ZNF638: variants seen among roughly 807,000 people sequenced by gnomAD.
ZNF638 encodes zinc finger protein 638.
ZNF638 carries 46 observed loss-of-function variants against 195.6 expected under a neutral mutation model. That is an observed-to-expected ratio of 0.24 (90% CI 0.19 to 0.30). ZNF638 has a LOEUF of 0.30. ZNF638 is among the 10% of genes least tolerant of loss of function. The probability of loss-of-function intolerance (pLI) is 1.00; values close to 1 mark genes in which losing one functional copy is unlikely to be tolerated. For synonymous variants in ZNF638, 845 were observed against 772.0 expected (o/e 1.09, Z -1.57); for missense variants, 2,440 against 2,325.3 (o/e 1.05, Z -1.01).
chr2:71,339,142 C>T (rs898036823), intron 1 of ZNF638, among the ~76,000 whole-genome samples: 5 of 131,328 alleles, frequency 3.8e-5, no homozygotes, highest in African/African-American at 1.4e-4. Context: ...TGCATTTAGT[C>T]GGTTTAGGTT....
chr2:71,334,231 A>T (rs1424830882), intron 1 of ZNF638, among the ~76,000 whole-genome samples: 2 of 152,124 alleles, frequency 1.3e-5, no homozygotes, highest in Non-Finnish European at 2.9e-5. Context: ...TGCTCTTTCC[A>T]CTGTACCTTA....
intron 1 of ZNF638, among the ~76,000 whole-genome samples, chr2:71,333,807 T>C (rs2104051707): frequency 6.6e-6 from 1 of 152,328 alleles, no homozygotes; most frequent in Middle Eastern, 3.4e-3. Flanking sequence ...CTTGGGATTT[T>C]TGTGAGTGAC....
intron 13 of ZNF638, 56 bp downstream of exon 13, chr2:71,399,701 T>C (rs941554447): frequency 2.7e-6 from 4 of 1,465,454 alleles, no homozygotes; most frequent in Non-Finnish European, 3.8e-6. Flanking sequence ...TTTTTAACTT[T>C]TTAAGTTCAG....
intron 10 of ZNF638, among the ~76,000 whole-genome samples, chr2:71,394,408 C>T (rs1486690592): frequency 6.6e-6 from 1 of 152,158 alleles, no homozygotes; most frequent in East Asian, 1.9e-4. Context: ...CATAATCACA[C>T]AGATCAGTGC....
At chr2:71,402,182 C>T in intron 16 of ZNF638, 95 bp downstream of exon 16, 1 of 1,319,600 alleles carries the variant, frequency 7.6e-7, no homozygotes, top group Non-Finnish European at 1.0e-6. Flanking sequence ...GGTTTAAAAG[C>T]AGTATCTCAA....
At chr2:71,379,218 T>C (rs562236210) in intron 8 of ZNF638, among the ~76,000 whole-genome samples, 1 of 152,348 alleles carries the variant, frequency 6.6e-6, no homozygotes, top group South Asian at 2.1e-4. Context: ...AACCATGTTT[T>C]TGAAAGTTAC....
intron 20 of ZNF638, among the ~76,000 whole-genome samples, chr2:71,410,270 T>G (rs1357934442): frequency 6.6e-6 from 1 of 152,212 alleles, no homozygotes; most frequent in Non-Finnish European, 1.5e-5. Context: ...GATTTAAACC[T>G]TAACTCCTGG....
intron 25 of ZNF638, among the ~76,000 whole-genome samples, chr2:71,429,601 C>G (rs1373682123): frequency 6.6e-6 from 1 of 152,142 alleles, no homozygotes; most frequent in African/African-American, 2.4e-5. Flanking sequence ...ATCTCTCTAG[C>G]TCCTATCTTT....
In ZNF638 at chr2:71,431,351, A is replaced by T; in HGVS notation, c.5675A>T (p.Asp1892Val). The change falls in exon 26 of 28, where the codon GAT (aspartate) becomes GTT (valine). Residue 1892 changes from aspartate (D) to valine (V), a missense_variant. Asp to Val is a radical substitution (Grantham distance 152, BLOSUM62 -3). Transcript: ENST00000264447. ...SEVDEESGLKDSEPERKRKKT... is the reference protein window; with the variant it reads ...SEVDEESGLKVSEPERKRKKT... ...GTTGATGAGGAATCTGGATTAAAGG[A>T]TTCAGAACCAGAGCGAAAACGCAAG... 6.2e-7 allele frequency: 1 copy of T among 1,613,908 alleles called. No individual in the cohort carries two copies.
At chr2:71,360,066 A>G (rs933289006) in intron 3 of ZNF638, among the ~76,000 whole-genome samples, 2 of 152,172 alleles carry the variant, frequency 1.3e-5, no homozygotes, top group African/African-American at 4.8e-5. Context: ...CACAGAGACA[A>G]TTTCCCTACC....
At chr2:71,368,132 C>T (rs1012041071) in intron 6 of ZNF638, among the ~76,000 whole-genome samples, 10 of 152,004 alleles carry the variant, frequency 6.6e-5, no homozygotes, top group African/African-American at 2.4e-4. Flanking sequence ...ACCTGTAAAC[C>T]ATTTCTGGGT....
chr2:71,426,696 T>C lies in ZNF638; in HGVS notation c.4827T>C (p.Asp1609=). The C allele has an allele frequency of 6.2e-7, 1 of 1,614,202 alleles. No individual in the cohort carries two copies. Among genetic ancestry groups the C allele is most frequent in the Non-Finnish European group, 8.5e-7 (1 of 1,180,028 alleles). The change falls in exon 24 of 28, where the codon GAT becomes GAC. Residue 1609 remains aspartate, a synonymous_variant. Coordinates refer to ENST00000264447, the MANE Select transcript of ZNF638 (RefSeq NM_014497.5). ...TGGATGAGATTGGGGAAGAGGAAGA[T>C]GCAGCTGCACATCTAGCACAAGCTC... The part of the protein sequence containing the change: ...VTLDEIGEEE[D]AAAHLAQALV...
At chr2:71,379,931 A>G (rs1345790878) in intron 8 of ZNF638, 1 of 182,626 alleles carries the variant, frequency 5.5e-6, no homozygotes, top group Non-Finnish European at 1.1e-5. Flanking sequence ...TATACAGGAA[A>G]AAAAACATAG....
chr2:71,398,287 T>C (rs1048498406), intron 11 of ZNF638, among the ~76,000 whole-genome samples: 1 of 152,188 alleles, frequency 6.6e-6, no homozygotes. Context: ...ATGTTTCATA[T>C]ACACCTTATA....
chr2:71,386,403 G>A (rs1016448522), intron 10 of ZNF638, among the ~76,000 whole-genome samples: 1 of 150,794 alleles, frequency 6.6e-6, no homozygotes, highest in Non-Finnish European at 1.5e-5. Context: ...TATGTTAAAA[G>A]CCAGCATATG....
At chr2:71,333,369 A>T (rs2078607160) in intron 1 of ZNF638, among the ~76,000 whole-genome samples, 1 of 152,230 alleles carries the variant, frequency 6.6e-6, no homozygotes, top group African/African-American at 2.4e-5. Flanking sequence ...GTTGGAAGAA[A>T]TCACAAAATC....
At chr2:71,419,393 C>T (rs2080374744) in intron 21 of ZNF638, among the ~76,000 whole-genome samples, 2 of 152,118 alleles carry the variant, frequency 1.3e-5, no homozygotes, top group Admixed American at 1.3e-4. Context: ...TTTGAAACAG[C>T]AGTTTGAAAG....
At chr2:71,394,672 C>T (rs1002661841) in intron 10 of ZNF638, among the ~76,000 whole-genome samples, 1 of 152,144 alleles carries the variant, frequency 6.6e-6, no homozygotes, top group Non-Finnish European at 1.5e-5. Flanking sequence ...CATGCCCTGT[C>T]CCAGGTCAGA....
chr2:71,372,058 CT>C (rs2079323764), intron 8 of ZNF638, among the ~76,000 whole-genome samples: 1 of 152,108 alleles, frequency 6.6e-6, no homozygotes, highest in Admixed American at 6.5e-5. Flanking sequence ...AGATAAAAGT[CT>C]TTAATCTATT....
Sources: allele counts gnomAD v4.1 joint callset (sites outside exome capture counted in the v4.1 genomes callset), GRCh38; gene constraint gnomAD v4.1.1; transcripts MANE v1.5; gene names NCBI Gene and HGNC (gene_info 2026-07-23, HGNC 2026-07-21).